Variants in CEP63 observed in about 807,000 individuals in gnomAD.
CEP63 encodes centrosomal protein 63, also known as centrosomal protein of 63 kDa.
Under a neutral mutation model 89.1 loss-of-function variants are expected in CEP63, and 84 were observed. That is an observed-to-expected ratio of 0.94 (90% CI 0.79 to 1.13). The LOEUF is 1.13. Among genes scored for constraint, CEP63 ranks in the 50% most tolerant of loss-of-function variants. CEP63 has a pLI of 0.00. For synonymous variants in CEP63, 267 were observed against 272.5 expected (o/e 0.98, Z 0.20); for missense variants, 838 against 813.3 (o/e 1.03, Z -0.37).
At chr3:134,706,226 A>C in the CEP63 span, among the ~76,000 whole-genome samples, 5 of 152,124 alleles carry the variant, frequency 3.3e-5, no homozygotes, top group Admixed American at 1.3e-4. Flanking sequence ...TAGGCAAGCT[A>C]TTGACTGTTT....
chr3:134,500,251 C>T (rs1265417603), intron 2 of CEP63, among the ~76,000 whole-genome samples: 1 of 152,122 alleles, frequency 6.6e-6, no homozygotes, highest in Admixed American at 6.5e-5. Flanking sequence ...CAGCTGCATC[C>T]ACATTGCTGC....
the CEP63 span, among the ~76,000 whole-genome samples, chr3:134,595,806 C>T: frequency 6.6e-6 from 1 of 152,164 alleles, no homozygotes; most frequent in African/African-American, 2.4e-5. Context: ...CCTGCAGGGG[C>T]TCCTCTTCAG....
At chr3:134,715,671 G>A in the CEP63 span, among the ~76,000 whole-genome samples, 2 of 152,028 alleles carry the variant, frequency 1.3e-5, no homozygotes, top group South Asian at 4.2e-4. Context: ...TTTAAAGAGG[G>A]CTTTGGCCCC....
the CEP63 span, among the ~76,000 whole-genome samples, chr3:134,760,478 T>A: frequency 2.0e-5 from 3 of 152,230 alleles, no homozygotes; most frequent in African/African-American, 7.2e-5. Flanking sequence ...AAGTCAGCAC[T>A]ATCATCCCTG....
chr3:134,739,877 CA>C, the CEP63 span, among the ~76,000 whole-genome samples: 1 of 152,138 alleles, frequency 6.6e-6, no homozygotes, highest in Non-Finnish European at 1.5e-5. Flanking sequence ...TGTTTTTCAA[CA>C]ACGTGTTTCA....
At chr3:134,659,342 C>T in the CEP63 span, among the ~76,000 whole-genome samples, 1 of 152,192 alleles carries the variant, frequency 6.6e-6, no homozygotes, top group African/African-American at 2.4e-5. Context: ...GCAGGTGAGG[C>T]TTCAGTGTCT....
the CEP63 span, among the ~76,000 whole-genome samples, chr3:134,635,452 G>A: frequency 4.4e-5 from 6 of 135,822 alleles, no homozygotes; most frequent in South Asian, 2.4e-4. Flanking sequence ...AGCCGAGATC[G>A]TGCCACTGCA....
intron 2 of CEP63, among the ~76,000 whole-genome samples, chr3:134,501,941 T>C (rs1399466422): frequency 6.6e-6 from 1 of 152,208 alleles, no homozygotes; most frequent in Non-Finnish European, 1.5e-5. Context: ...CTTTTGCCTA[T>C]TCAGTATGAT....
chr3:134,650,929 G>A, the CEP63 span: 2 of 1,613,366 alleles, frequency 1.2e-6, no homozygotes, highest in Non-Finnish European at 1.7e-6. Flanking sequence ...CATGTCGATA[G>A]ATACAGCGTT....
At chr3:134,608,782 T>G in the CEP63 span, 10 of 1,614,002 alleles carry the variant, frequency 6.2e-6, no homozygotes, top group Non-Finnish European at 8.5e-6. Context: ...TCTTGTTGTC[T>G]GGGAAGTGGT....
the CEP63 span, among the ~76,000 whole-genome samples, chr3:134,721,483 A>G: frequency 2.0e-5 from 3 of 151,920 alleles, no homozygotes; most frequent in Non-Finnish European, 4.4e-5. Flanking sequence ...AGTGGCCCTT[A>G]CTGGAGCCTC....
chr3:134,700,422 C>T, the CEP63 span, among the ~76,000 whole-genome samples: 3 of 152,136 alleles, frequency 2.0e-5, no homozygotes, highest in African/African-American at 7.2e-5. Flanking sequence ...ACAAATAGTC[C>T]TATAAGGCTT....
At chr3:134,637,588 A>G in the CEP63 span, among the ~76,000 whole-genome samples, 1 of 152,242 alleles carries the variant, frequency 6.6e-6, no homozygotes, top group Non-Finnish European at 1.5e-5. Flanking sequence ...GCAAAAGTGA[A>G]CAACTTATTG....
chr3:134,489,732 G>C (rs991204667), intron 1 of CEP63, among the ~76,000 whole-genome samples: 2 of 152,100 alleles, frequency 1.3e-5, no homozygotes, highest in African/African-American at 4.8e-5. Flanking sequence ...GTACAGGAAA[G>C]GCAAGAAAAA....
chr3:134,608,238 G>A, the CEP63 span: 1 of 1,191,898 alleles, frequency 8.4e-7, no homozygotes, highest in Non-Finnish European at 1.1e-6. Context: ...GAGCCCAGAG[G>A]CTATGTGTAG....
chr3:134,713,487 C>A, the CEP63 span, among the ~76,000 whole-genome samples: 1 of 152,182 alleles, frequency 6.6e-6, no homozygotes, highest in Non-Finnish European at 1.5e-5. Flanking sequence ...GGGAGCTGGT[C>A]TCTGAGGCAG....
Position 134,545,635 on chromosome 3 carries a change from G to T in CEP63, c.605G>T (p.Ser202Ile). 1 of 1,614,126 alleles carries T rather than the reference G, an allele frequency of 6.2e-7. No individual in the cohort carries two copies. Among genetic ancestry groups the T allele is most frequent in the Non-Finnish European group, 8.5e-7 (1 of 1,180,024 alleles). Residue 202 changes from serine to isoleucine, a missense_variant, in exon 7 of 15, where the codon AGC becomes ATC. Ser to Ile is a moderately radical substitution (Grantham distance 142). Transcript: ENST00000675561. ...KQKLESVELS[S>I]QSEIQHLSSK... is the part of the protein sequence containing the mutation. ...AAATTAGAGTCTGTGGAACTTTCTA[G>T]CCAATCAGAAATTCAACACTTAAGC...
chr3:134,527,311 G>A (rs1948862251), intron 3 of CEP63, among the ~76,000 whole-genome samples: 1 of 152,288 alleles, frequency 6.6e-6, no homozygotes, highest in East Asian at 1.9e-4. Context: ...AGGTCTGTGT[G>A]CCTTCTCTGT....
rs1352802029 is a variant in CEP63, at chr3:134,551,980, A to G, written c.1435A>G (p.Met479Val). ...LKLENRHLSEMVMKLELGLHE... is the reference protein window; with the variant it reads ...LKLENRHLSEVVMKLELGLHE... ...ATTAGAAAATCGTCATCTTTCTGAA[A>G]TGGTGATGAAATTGGAATTGGGTTT... The change falls in exon 12 of 15, where the codon ATG becomes GTG. Residue 479 changes from methionine to valine, a missense_variant. Physicochemically the swap from Met to Val is conservative, Grantham distance 21 (BLOSUM62 1). Coordinates refer to ENST00000675561, the MANE Select transcript of CEP63 (RefSeq NM_001353108.3). 1 of 1,607,140 alleles carries G rather than the reference A, an allele frequency of 6.2e-7. No individual in the cohort carries two copies. Among genetic ancestry groups the G allele is most frequent in the African/African-American group, 1.3e-5 (1 of 74,848 alleles).
Sources: gnomAD v4.1 joint callset for allele counts (sites outside exome capture counted in the v4.1 genomes callset) on GRCh38, gnomAD v4.1.1 for gene constraint, MANE v1.5 for transcripts, NCBI Gene and HGNC (gene_info 2026-07-23, HGNC 2026-07-21) for gene names.